Variants in CSF2RA observed in about 807,000 individuals in gnomAD.
CSF2RA encodes granulocyte-macrophage colony-stimulating factor receptor subunit alpha.
CSF2RA carries 42 observed loss-of-function variants against 51.6 expected under a neutral mutation model. That is an observed-to-expected ratio of 0.81 (90% CI 0.64 to 1.05). The LOEUF (loss-of-function observed/expected upper bound fraction) is 1.05, where lower values mean the gene tolerates loss of function less well. Among genes scored for constraint, CSF2RA ranks in the 50% least tolerant of loss-of-function variants. The pLI is 0.00. For synonymous variants in CSF2RA, 222 were observed against 193.0 expected (o/e 1.15, Z -1.24); for missense variants, 530 against 501.1 (o/e 1.06, Z -0.55).
chrX:1,284,959 G>A (rs1304688422), intron 3 of CSF2RA, among the ~76,000 whole-genome samples: 7 of 151,842 alleles, frequency 4.6e-5, no homozygotes, highest in Non-Finnish European at 8.8e-5. Context: ...GAGCCACCGC[G>A]CCTGGCCAGT....
Position 1,294,447 on chromosome X carries a change from G to A in CSF2RA, c.766G>A (p.Asp256Asn), listed in dbSNP as rs761350119. ...GTACCTGGACTTTCAGTACCAGCTG[G>A]ACGTCCACAGAAAGGTCGGTGAGAG... ...LSYLDFQYQLDVHRKNTQPGT... is the reference protein window; with the variant it reads ...LSYLDFQYQLNVHRKNTQPGT... Residue 256 changes from aspartate (D) to asparagine (N), a missense_variant, in exon 8 of 13, where the codon GAC (aspartate) becomes AAC (asparagine). Physicochemically the swap from Asp to Asn is conservative, Grantham distance 23. Coordinates refer to ENST00000381529, the MANE Select transcript of CSF2RA (RefSeq NM_172245.4). 1.3e-5 allele frequency: 21 copies of A among 1,610,562 alleles called. 1 individual carries two copies. The South Asian group carries it at 2.2e-4, about 17-fold the overall frequency.
At chrX:1,270,306 C>T (rs1477823537) in intron 1 of CSF2RA, among the ~76,000 whole-genome samples, 1 of 152,000 alleles carries the variant, frequency 6.6e-6, no homozygotes, top group Non-Finnish European at 1.5e-5. Context: ...GTGGTGCAAT[C>T]ACAGCTGACT....
chrX:1,283,461 C>T lies in CSF2RA; in HGVS notation c.76+682C>T, dbSNP rs868107109. On this transcript the variant is annotated intron_variant, in intron 3 of 12. Coordinates refer to ENST00000381529, the MANE Select transcript of CSF2RA (RefSeq NM_172245.4). ...TTGTTTTTCTTTCTTTCCTTCCTTC[C>T]CTCCCTCCCTCCCTCTCTCTCTCTC... 1.1e-3 allele frequency among the ~76,000 whole-genome samples: 147 copies of T among 129,792 alleles called. 1 individual carries two copies. Among genetic ancestry groups the T allele is most frequent in the South Asian group, 3.9e-3 (13 of 3,352 alleles). 85.1% of individuals were successfully genotyped at this position (129,792 alleles called of 152,430 possible). A position where few individuals can be genotyped will look rare whatever the true frequency, so the allele number is the denominator to read the frequency against.
At chrX:1,280,420 A>G (rs764823340) in intron 2 of CSF2RA, among the ~76,000 whole-genome samples, 53 of 151,142 alleles carry the variant, frequency 3.5e-4, no homozygotes, top group East Asian at 7.8e-4. Context: ...GCAGTGAGCC[A>G]AGATTGCACC....
rs1324792531 is a variant in CSF2RA, at chrX:1,274,615, G to A, written c.-90-140G>A. ...GCTGGGATTATAGGCGTGAGCCATGGCGCCCAGCCCTGGTATGTAATTTTT... is the reference window on the plus strand; with the variant it reads ...GCTGGGATTATAGGCGTGAGCCATGACGCCCAGCCCTGGTATGTAATTTTT... On this transcript the variant is annotated intron_variant, in intron 1 of 12. Transcript: ENST00000381529. The A allele has an allele frequency of 5.9e-6, 2 of 337,602 alleles. 1 individual carries two copies. The highest frequency in any genetic ancestry group is 1.3e-4 in the African/African-American group (2 of 15,428). The allele number at this position is 337,602 out of a possible 1,614,324, so 20.9% of individuals were successfully genotyped here.
chrX:1,323,785 C>A, the CSF2RA span, among the ~76,000 whole-genome samples: 5 of 151,876 alleles, frequency 3.3e-5, no homozygotes, highest in South Asian at 2.1e-4. Context: ...GAGGCAGAGG[C>A]GGGCAGATCA....
At chrX:1,314,611 A>G (rs866074057), downstream of CSF2RA, among the ~76,000 whole-genome samples, 12 of 10,952 alleles carry the variant, frequency 1.1e-3, no homozygotes, top group Admixed American at 1.8e-3. Context: ...ACCCCACTGC[A>G]CCTGCCCAAC....
chrX:1,323,296 C>G, the CSF2RA span, among the ~76,000 whole-genome samples: 1 of 145,924 alleles, frequency 6.9e-6, no homozygotes, highest in South Asian at 2.2e-4. Flanking sequence ...GGCGGATCAC[C>G]TGAGGTCGGG....
At chrX:1,292,801 T>TA (rs1461367729) in intron 7 of CSF2RA, among the ~76,000 whole-genome samples, 3 of 152,102 alleles carry the variant, frequency 2.0e-5, no homozygotes, top group Non-Finnish European at 4.4e-5. Context: ...GGCTTCCTCT[T>TA]ATCTCAACCG....
chrX:1,280,970 C>A (rs1278024441), intron 2 of CSF2RA, among the ~76,000 whole-genome samples: 2 of 130,936 alleles, frequency 1.5e-5, no homozygotes, highest in African/African-American at 2.9e-5. Flanking sequence ...TCCTTCTCCT[C>A]CTCCTGCTTC....
At chrX:1,291,078 C>T (rs1379766806) in intron 7 of CSF2RA, among the ~76,000 whole-genome samples, 3 of 151,934 alleles carry the variant, frequency 2.0e-5, no homozygotes, top group Non-Finnish European at 2.9e-5. Context: ...CACACCACCA[C>T]GCTCGGCTAA....
Position 1,288,878 on chromosome X carries a change from C to T in CSF2RA, c.463C>T (p.Arg155Ter), listed in dbSNP as rs1316466248. 5 of 1,605,016 alleles carry T rather than the reference C, an allele frequency of 3.1e-6. No individual in the cohort carries two copies. Among genetic ancestry groups the T allele is most frequent in the Non-Finnish European group, 3.4e-6 (4 of 1,175,762 alleles). The change falls in exon 6 of 13, where the codon CGA (arginine) becomes TGA (stop). Residue 155 changes from arginine to a stop codon, truncating the protein, a stop_gained. Coordinates refer to ENST00000381529, the MANE Select transcript of CSF2RA (RefSeq NM_172245.4). LOFTEE classifies it high-confidence loss of function. ...TGACGTCCAGTATTTTTTGTACATA[C>T]GAAACTCAAAGTAAGTGTTCACCTC... Reference protein sequence around the residue: ...PRDVQYFLYIRNSKRRREIRC... With the variant: ...PRDVQYFLYI
At chrX:1,315,329 T>A (rs1383951880), downstream of CSF2RA, among the ~76,000 whole-genome samples, 3 of 152,080 alleles carry the variant, frequency 2.0e-5, no homozygotes, top group African/African-American at 7.2e-5. Context: ...AATAGATGTA[T>A]AGGTAACAGA....
intron 10 of CSF2RA, 42 bp downstream of exon 10, chrX:1,300,668 G>A (rs374193118): frequency 6.5e-5 from 105 of 1,613,586 alleles, no homozygotes; most frequent in Middle Eastern, 1.7e-4. Flanking sequence ...TGCCGTCTGC[G>A]GCCACCCTGC....
the CSF2RA span, among the ~76,000 whole-genome samples, chrX:1,324,557 A>G: frequency 6.7e-6 from 1 of 150,238 alleles, no homozygotes; most frequent in East Asian, 2.0e-4. Flanking sequence ...AAAGAAAGGA[A>G]AGAAAAGAAG....
chrX:1,310,771 A>G (rs1252490150), downstream of CSF2RA, among the ~76,000 whole-genome samples: 1 of 151,898 alleles, frequency 6.6e-6, no homozygotes, highest in Non-Finnish European at 1.5e-5. Flanking sequence ...AAGTGATGAT[A>G]TAGTTTGGTT....
intron 1 of CSF2RA, among the ~76,000 whole-genome samples, chrX:1,270,356 C>A (rs1489804769): frequency 6.6e-6 from 1 of 151,994 alleles, no homozygotes; most frequent in Admixed American, 6.6e-5. Flanking sequence ...CCTCCCATCT[C>A]GGCCTCCCGA....
chrX:1,302,139 C>T (rs1485314704), intron 10 of CSF2RA, among the ~76,000 whole-genome samples: 5 of 151,800 alleles, frequency 3.3e-5, no homozygotes, highest in Admixed American at 2.0e-4. Context: ...TGTTCTTGAA[C>T]TCCTGACCTC....
intron 6 of CSF2RA, among the ~76,000 whole-genome samples, chrX:1,289,399 G>A (rs1266382199): frequency 6.6e-6 from 1 of 152,200 alleles, no homozygotes; most frequent in Non-Finnish European, 1.5e-5. Flanking sequence ...AAAGTGCTGG[G>A]ATTACAGGCG....
Sources: gnomAD v4.1 joint callset for allele counts (sites outside exome capture counted in the v4.1 genomes callset) on GRCh38, gnomAD v4.1.1 for gene constraint, MANE v1.5 for transcripts, NCBI Gene and HGNC (gene_info 2026-07-23, HGNC 2026-07-21) for gene names.